TNS3: variants seen among roughly 807,000 people sequenced by gnomAD.
TNS3 encodes tensin-3.
TNS3 carries 45 observed loss-of-function variants against 140.9 expected under a neutral mutation model. The ratio of observed to expected loss-of-function variants is 0.32; its 90% CI spans 0.25 to 0.41. The LOEUF (loss-of-function observed/expected upper bound fraction) is 0.41, where lower values mean the gene tolerates loss of function less well. Ranked by LOEUF, TNS3 falls within the 10% of genes least tolerant of loss-of-function variation. The pLI is 1.00. For missense variants in TNS3, 1,716 were observed against 1,906.7 expected (o/e 0.90, Z 1.86); for synonymous variants, 815 against 788.4 (o/e 1.03, Z -0.56).
rs145787673 is a variant in TNS3 at position 47,477,963 on chromosome 7, G to A, written c.-76+3140C>T. ...TCCTTCCATTTACTCCTCCATGCCA[G>A]GAGGAAGACAGCACTGCCCTGTTTA... On this transcript the variant is annotated intron_variant, in intron 4 of 30. Coordinates refer to ENST00000311160, the MANE Select transcript of TNS3 (RefSeq NM_022748.12). Among the ~76,000 whole-genome samples the A allele has an allele frequency of 4.2e-3, 633 of 152,294 alleles. 6 individuals are homozygous for A. Among genetic ancestry groups the A allele is most frequent in the African/African-American group, 0.014 (581 of 41,570 alleles).
At chr7:47,296,289 C>T (rs1271399098) in intron 24 of TNS3, among the ~76,000 whole-genome samples, 1 of 152,158 alleles carries the variant, frequency 6.6e-6, no homozygotes, top group East Asian at 1.9e-4. Flanking sequence ...TACAAGCAAT[C>T]TTAGAAATAT....
chr7:47,310,836 T>G lies in TNS3; in HGVS notation c.2651-5833A>C, dbSNP rs145565006. On this transcript the variant is annotated intron_variant, in intron 20 of 30. Coordinates refer to ENST00000311160, the MANE Select transcript of TNS3 (RefSeq NM_022748.12). ...CATGCAGTGTTTGGTTTTCTGTCCT[T>G]GTGATAGTTTGCTCAAAATGATGGT... 2.8e-3 allele frequency among the ~76,000 whole-genome samples: 427 copies of G among 152,316 alleles called. 2 individuals are homozygous for G. The highest frequency in any genetic ancestry group is 0.017 in the East Asian group (90 of 5,182).
chr7:47,340,931 G>A (rs1788974545), intron 20 of TNS3, among the ~76,000 whole-genome samples: 1 of 152,098 alleles, frequency 6.6e-6, no homozygotes, highest in Admixed American at 6.5e-5. Flanking sequence ...TATTTTGCTG[G>A]AAGTTTTGAG....
At chr7:47,314,817 G>A (rs1368374901) in intron 20 of TNS3, among the ~76,000 whole-genome samples, 1 of 152,190 alleles carries the variant, frequency 6.6e-6, no homozygotes, top group Non-Finnish European at 1.5e-5. Flanking sequence ...AGGGGCATCT[G>A]CGGAGGCATT....
At chr7:47,478,587 CAT>C (rs2151775122) in intron 4 of TNS3, among the ~76,000 whole-genome samples, 1 of 152,102 alleles carries the variant, frequency 6.6e-6, no homozygotes, top group Non-Finnish European at 1.5e-5. Context: ...ATACAAGATA[CAT>C]ATATTCACAT....
chr7:47,358,161 G>C (rs1026813122), intron 17 of TNS3, among the ~76,000 whole-genome samples: 1 of 150,844 alleles, frequency 6.6e-6, no homozygotes, highest in African/African-American at 2.4e-5. Context: ...TTTTTTTGAC[G>C]GAGTCTCACT....
chr7:47,329,508 G>C (rs538477255), intron 20 of TNS3, among the ~76,000 whole-genome samples: 1 of 152,142 alleles, frequency 6.6e-6, no homozygotes, highest in South Asian at 2.1e-4. Context: ...AGAGGGACAC[G>C]GCTTGCCTGG....
intron 1 of TNS3, among the ~76,000 whole-genome samples, chr7:47,544,223 G>GC (rs1333501395): frequency 6.7e-6 from 1 of 149,916 alleles, no homozygotes; most frequent in African/African-American, 2.5e-5. Context: ...GCCAAGAGGA[G>GC]CATCTTCCTT....
At chr7:47,426,382 TGAAATGATGTCGG>T (rs1343096020) in intron 9 of TNS3, among the ~76,000 whole-genome samples, 1 of 152,224 alleles carries the variant, frequency 6.6e-6, no homozygotes, top group Non-Finnish European at 1.5e-5. Flanking sequence ...ATGCTGCCAC[TGAAATGATGTCGG>T]GAAATGATGC....
intron 8 of TNS3, among the ~76,000 whole-genome samples, chr7:47,431,639 A>G (rs1169396274): frequency 6.6e-6 from 1 of 152,226 alleles, no homozygotes; most frequent in Non-Finnish European, 1.5e-5. Context: ...TGAAGGAACA[A>G]AGAACAAACT....
intron 2 of TNS3, among the ~76,000 whole-genome samples, chr7:47,512,526 C>G (rs1798646434): frequency 6.6e-6 from 1 of 152,196 alleles, no homozygotes; most frequent in Non-Finnish European, 1.5e-5. Context: ...TGATCTCAAA[C>G]TATTTCACAT....
In TNS3 at chr7:47,565,603, G is replaced by A. The variant is rs150160477; in HGVS notation, c.-265+16448C>T. ...GCTTGTCTCGAACTCCTGACCTCGG[G>A]TGATCAGCCCGCCTCAGCCTCCCAA... On this transcript the variant is annotated intron_variant, in intron 1 of 30. Coordinates refer to ENST00000311160, the MANE Select transcript of TNS3 (RefSeq NM_022748.12). 6.3e-3 allele frequency among the ~76,000 whole-genome samples: 961 copies of A among 152,198 alleles called. 28 individuals are homozygous for A. The highest frequency in any genetic ancestry group is 0.053 in the Admixed American group (804 of 15,284).
intron 15 of TNS3, among the ~76,000 whole-genome samples, chr7:47,400,146 T>C (rs973104839): frequency 6.6e-6 from 1 of 152,222 alleles, no homozygotes; most frequent in African/African-American, 2.4e-5. Context: ...CCTACAAGAA[T>C]GGCCAGTCAT....
At chr7:47,303,632 A>C in intron 21 of TNS3, 48 bp from the exon 22 acceptor site, 1 of 1,505,600 alleles carries the variant, frequency 6.6e-7, no homozygotes, top group Admixed American at 2.1e-5. Context: ...GTACAAAGAG[A>C]CACCTGAAGA....
At chr7:47,469,644 T>C (rs1030083345) in intron 4 of TNS3, among the ~76,000 whole-genome samples, 1 of 152,176 alleles carries the variant, frequency 6.6e-6, no homozygotes, top group Non-Finnish European at 1.5e-5. Flanking sequence ...GACATAGAAT[T>C]ATCCTAAGTG....
intron 4 of TNS3, among the ~76,000 whole-genome samples, chr7:47,475,912 G>A (rs983686834): frequency 4.6e-5 from 7 of 152,158 alleles, no homozygotes; most frequent in Admixed American, 1.3e-4. Context: ...ATCATCTACT[G>A]TGTCTGTCAT....
At chr7:47,298,956 C>T (rs1236198717) in intron 23 of TNS3, among the ~76,000 whole-genome samples, 1 of 152,140 alleles carries the variant, frequency 6.6e-6, no homozygotes, top group Non-Finnish European at 1.5e-5. Flanking sequence ...CGTGCATGCC[C>T]GAGACTGCTG....
chr7:47,316,169 A>G (rs2150806517), intron 20 of TNS3, among the ~76,000 whole-genome samples: 1 of 145,830 alleles, frequency 6.9e-6, no homozygotes, highest in East Asian at 2.0e-4. Context: ...CCTCCTAGTC[A>G]CATCCCGGGA....
At chr7:47,437,819 A>G (rs999700757) in intron 6 of TNS3, among the ~76,000 whole-genome samples, 10 of 149,788 alleles carry the variant, frequency 6.7e-5, no homozygotes, top group African/African-American at 2.4e-4. Flanking sequence ...ATATATACAC[A>G]TATATATAAA....
Sources: allele counts gnomAD v4.1 joint callset (sites outside exome capture counted in the v4.1 genomes callset), GRCh38; gene constraint gnomAD v4.1.1; transcripts MANE v1.5; gene names NCBI Gene and HGNC (gene_info 2026-07-23, HGNC 2026-07-21).